Variants in KCNIP4 observed in about 807,000 individuals in gnomAD.
KCNIP4 encodes Kv channel-interacting protein 4.
Under a neutral mutation model 34.0 loss-of-function variants are expected in KCNIP4, and 12 were observed. That is an observed-to-expected ratio of 0.35 (90% CI 0.23 to 0.57). The LOEUF is 0.57. Among genes scored for constraint, KCNIP4 ranks in the 20% least tolerant of loss-of-function variants. The pLI is 0.83. For synonymous variants in KCNIP4, 124 were observed against 102.2 expected, an observed-to-expected ratio of 1.21 and a Z score of -1.29; for missense variants, 238 against 311.7, an observed-to-expected ratio of 0.76 and a Z score of 1.78.
At chr4:20,917,230 G>A (rs1437108780) in intron 1 of KCNIP4, among the ~76,000 whole-genome samples, 1 of 151,284 alleles carries the variant, frequency 6.6e-6, no homozygotes, top group Non-Finnish European at 1.5e-5. Context: ...TAGAAAGGAA[G>A]TTTCCCCATG....
intron 1 of KCNIP4, among the ~76,000 whole-genome samples, chr4:21,343,107 A>G (rs1208251184): frequency 6.6e-6 from 1 of 152,148 alleles, no homozygotes; most frequent in Non-Finnish European, 1.5e-5. Context: ...GATGGACCCA[A>G]TTATAGCAGT....
intron 1 of KCNIP4, among the ~76,000 whole-genome samples, chr4:21,703,786 C>A (rs978778341): frequency 6.6e-6 from 1 of 152,036 alleles, no homozygotes; most frequent in African/African-American, 2.4e-5. Flanking sequence ...TTCTTTACTG[C>A]AACTGCAAGC....
chr4:21,910,143 C>A (rs1728224033), intron 1 of KCNIP4, among the ~76,000 whole-genome samples: 1 of 152,140 alleles, frequency 6.6e-6, no homozygotes, highest in Non-Finnish European at 1.5e-5. Context: ...CGGTGTCTCT[C>A]TCTGATAAAA....
chr4:21,405,397 C>CA (rs887836717), intron 1 of KCNIP4, among the ~76,000 whole-genome samples: 49 of 151,042 alleles, frequency 3.2e-4, no homozygotes, highest in South Asian at 1.7e-3. Context: ...CATAACTAAA[C>CA]AAAAAAAAAC....
intron 1 of KCNIP4, among the ~76,000 whole-genome samples, chr4:20,897,173 T>C (rs1472082617): frequency 6.6e-6 from 1 of 152,196 alleles, no homozygotes; most frequent in East Asian, 1.9e-4. Flanking sequence ...AACTGATGAC[T>C]TTCCATATCA....
chr4:21,542,516 T>A (rs1737792204), intron 1 of KCNIP4, among the ~76,000 whole-genome samples: 2 of 152,032 alleles, frequency 1.3e-5, no homozygotes, highest in Non-Finnish European at 1.5e-5. Flanking sequence ...AGCTCTTGAT[T>A]AGGACGTTAT....
At chr4:21,106,564 A>C (rs948265890) in intron 1 of KCNIP4, among the ~76,000 whole-genome samples, 8 of 137,288 alleles carry the variant, frequency 5.8e-5, no homozygotes, top group African/African-American at 2.1e-4. Context: ...GGATTCATTA[A>C]TTTTTTGAAG....
At chr4:20,837,642 T>A (rs895296856) in intron 3 of KCNIP4, among the ~76,000 whole-genome samples, 8 of 146,330 alleles carry the variant, frequency 5.5e-5, no homozygotes, top group African/African-American at 2.0e-4. Context: ...ATATATAAAT[T>A]ATTTATTGAG....
At chr4:21,462,134 C>T (rs1729512623) in intron 1 of KCNIP4, among the ~76,000 whole-genome samples, 3 of 151,974 alleles carry the variant, frequency 2.0e-5, no homozygotes, top group African/African-American at 7.3e-5. Flanking sequence ...AATAGAACAC[C>T]AGATCTTATT....
chr4:20,811,162 C>G (rs1205287238), intron 3 of KCNIP4, among the ~76,000 whole-genome samples: 3 of 152,134 alleles, frequency 2.0e-5, no homozygotes. Context: ...AGTTCTCAAA[C>G]CTATCTTAGA....
At chr4:21,733,505 C>T (rs1409553956) in intron 1 of KCNIP4, among the ~76,000 whole-genome samples, 2 of 151,986 alleles carry the variant, frequency 1.3e-5, no homozygotes, top group African/African-American at 2.4e-5. Context: ...CACAGATGTT[C>T]GAAACTATAG....
chr4:21,823,529 T>G (rs1341605330), intron 1 of KCNIP4, among the ~76,000 whole-genome samples: 1 of 148,150 alleles, frequency 6.7e-6, no homozygotes, highest in South Asian at 2.1e-4. Flanking sequence ...ACAAAAAAAC[T>G]ACAGTCCTTC....
At chr4:20,792,511 C>T (rs764374722) in intron 3 of KCNIP4, among the ~76,000 whole-genome samples, 1 of 151,992 alleles carries the variant, frequency 6.6e-6, no homozygotes, top group Non-Finnish European at 1.5e-5. Context: ...GATTGTCAGA[C>T]TGATAAAAAG....
intron 1 of KCNIP4, chr4:21,718,742 A>T (rs935499317): frequency 6.6e-6 from 1 of 152,200 alleles, no homozygotes; most frequent in African/African-American, 2.4e-5. Context: ...TGAACAATCA[A>T]CTAAAACAGT....
intron 1 of KCNIP4, among the ~76,000 whole-genome samples, chr4:21,683,518 G>T (rs1750563559): frequency 8.5e-6 from 1 of 117,488 alleles, no homozygotes; most frequent in Admixed American, 1.1e-4. Context: ...CCCAGGGCTG[G>T]AGTGCAGTGG....
In KCNIP4 at chr4:21,777,819, A is replaced by C. The variant is rs999391774; in HGVS notation, c.61+170752T>G. 6.6e-5 allele frequency among the ~76,000 whole-genome samples: 10 copies of C among 152,340 alleles called. No homozygotes were observed. The South Asian group carries it at 2.1e-3, about 32-fold the overall frequency. ...TCTTTACTTCTTGAATAATGTTATA[A>C]AAATTTCATACACTTTTTATGATTT... On this transcript the variant is annotated intron_variant, in intron 1 of 8. Coordinates refer to ENST00000382152, the MANE Select transcript of KCNIP4 (RefSeq NM_025221.6).
intron 1 of KCNIP4, among the ~76,000 whole-genome samples, chr4:21,351,480 T>C (rs1013565202): frequency 6.6e-6 from 1 of 152,196 alleles, no homozygotes; most frequent in Non-Finnish European, 1.5e-5. Context: ...TCCCTAGACA[T>C]GCAGAACCAT....
intron 1 of KCNIP4, among the ~76,000 whole-genome samples, chr4:20,929,168 A>C (rs1470165481): frequency 6.6e-6 from 1 of 151,594 alleles, no homozygotes; most frequent in Non-Finnish European, 1.5e-5. Context: ...CATCACATCA[A>C]AAAGATTATA....
intron 1 of KCNIP4, among the ~76,000 whole-genome samples, chr4:21,589,156 GTATATATATATATATATATATATATA>G (rs375787939): frequency 9.8e-5 from 7 of 71,244 alleles, no homozygotes; most frequent in Admixed American, 1.8e-4. Flanking sequence ...ATGGAGGTGT[GTATATATATATATATATATATATATA>G]TATATATATA....
Sources: allele counts gnomAD v4.1 joint callset (sites outside exome capture counted in the v4.1 genomes callset), GRCh38; gene constraint gnomAD v4.1.1; transcripts MANE v1.5; gene names NCBI Gene and HGNC (gene_info 2026-07-23, HGNC 2026-07-21).